CUBN: variants seen among roughly 807,000 people sequenced by gnomAD.
CUBN encodes the protein 460 kDa receptor.
CUBN carries 282 observed loss-of-function variants against 405.3 expected under a neutral mutation model. That is an observed-to-expected ratio of 0.70 (90% CI 0.63 to 0.77). The LOEUF is 0.77. Among genes scored for constraint, CUBN ranks in the 30% least tolerant of loss-of-function variants. The pLI is 0.00. For synonymous variants in CUBN, 1,684 were observed against 1,617.0 expected (o/e 1.04, Z -0.99); for missense variants, 4,514 against 4,475.2 (o/e 1.01, Z -0.25).
intron 14 of CUBN, among the ~76,000 whole-genome samples, chr10:17,095,954 T>C (rs938905310): frequency 6.6e-5 from 10 of 152,058 alleles, no homozygotes; most frequent in African/African-American, 2.4e-4. Flanking sequence ...TTATTTATCC[T>C]TAAAAAGAAA....
chr10:17,111,838 C>T (rs969028435), intron 8 of CUBN, among the ~76,000 whole-genome samples: 2 of 152,126 alleles, frequency 1.3e-5, no homozygotes, highest in African/African-American at 2.4e-5. Context: ...GCAGAAGAAT[C>T]CCTCAAACCC....
intron 64 of CUBN, among the ~76,000 whole-genome samples, chr10:16,834,075 A>G (rs1323644067): frequency 2.0e-5 from 3 of 152,160 alleles, no homozygotes; most frequent in Non-Finnish European, 4.4e-5. Flanking sequence ...CCACCTAAGT[A>G]TATTTCCTAA....
intron 48 of CUBN, among the ~76,000 whole-genome samples, chr10:16,912,989 C>A (rs368872595): frequency 6.6e-6 from 1 of 152,020 alleles, no homozygotes; most frequent in Non-Finnish European, 1.5e-5. Context: ...TCCAAGTGAA[C>A]GGTGGGGGTA....
intron 10 of CUBN, among the ~76,000 whole-genome samples, chr10:17,106,779 G>A (rs1588646402): frequency 6.6e-6 from 1 of 152,282 alleles, no homozygotes; most frequent in East Asian, 1.9e-4. Flanking sequence ...GTACAGGAGT[G>A]TGGCTTACAC....
Position 16,906,318 on chromosome 10 carries a change from G to A in CUBN, c.7797C>T (p.Cys2599=), listed in dbSNP as rs138758085. 8.1e-5 allele frequency: 131 copies of A among 1,613,582 alleles called. 3 individuals carry two copies. The highest frequency in any genetic ancestry group is 6.6e-4 in the South Asian group (60 of 91,072). Residue 2599 remains cysteine, a synonymous_variant, in exon 50 of 67, where the codon TGC becomes TGT. Transcript: ENST00000377833. The part of the protein sequence containing the change: ...GVRNYSRNLN[C]EWTLSNPNQG... ...GATTTGGATTGCTGAGAGTCCATTC[G>A]CAGTTCAGGTTTCTTGAGTAATTCC... is the stretch of plus-strand genomic sequence containing the variant.
At chr10:16,956,062 C>T (rs914101601) in intron 31 of CUBN, among the ~76,000 whole-genome samples, 2 of 152,116 alleles carry the variant, frequency 1.3e-5, no homozygotes, top group East Asian at 1.9e-4. Context: ...GGAAGTTACT[C>T]GCAAGTGACT....
At chr10:17,029,272 G>C (rs1231016875) in intron 27 of CUBN, among the ~76,000 whole-genome samples, 1 of 152,196 alleles carries the variant, frequency 6.6e-6, no homozygotes, top group African/African-American at 2.4e-5. Flanking sequence ...ATCCTTCATT[G>C]TGAAAGATGG....
At position 16,836,278 on chromosome 10, in the gene CUBN, A is replaced by C; in HGVS notation, c.10137T>G (p.Val3379=). 1 of 1,614,050 alleles carries C rather than the reference A, an allele frequency of 6.2e-7. No homozygotes were observed. Among genetic ancestry groups the C allele is most frequent in the South Asian group, 1.1e-5 (1 of 91,084 alleles). The change falls in exon 63 of 67, where the codon GTT becomes GTG. Residue 3379 remains valine, a synonymous_variant. Transcript: ENST00000377833. ...STAMVIFKSG[V]VNRNSRMSFT... ...AACTCATTCTAGAGTTTCTGTTTAC[A>C]ACTCCAGATTTGAAAATGACCATTG... is the stretch of plus-strand genomic sequence containing the variant.
chr10:16,991,833 C>G (rs1470161193), intron 28 of CUBN, among the ~76,000 whole-genome samples: 1 of 152,066 alleles, frequency 6.6e-6, no homozygotes, highest in African/African-American at 2.4e-5. Flanking sequence ...GTCAGTGTGG[C>G]AATTCCTCAG....
At chr10:16,963,284 C>T (rs1175442664) in intron 31 of CUBN, among the ~76,000 whole-genome samples, 1 of 130,910 alleles carries the variant, frequency 7.6e-6, no homozygotes, top group Non-Finnish European at 1.6e-5. Context: ...CTTCCAGGTT[C>T]AAGTGATTCT....
rs377718563 is a variant in CUBN, at chr10:17,063,193, C to A, written c.3139+2315G>T. 1.9e-3 allele frequency among the ~76,000 whole-genome samples: 297 copies of A among 152,322 alleles called. 1 individual carries two copies. Among genetic ancestry groups the A allele is most frequent in the African/African-American group, 6.9e-3 (285 of 41,590 alleles). ...GGTCTTGATCTATGGGAAACTGTGA[C>A]AGGCTCCAGAATTATAAACAGAAGG... On this transcript the variant is annotated intron_variant, in intron 22 of 66. Coordinates refer to ENST00000377833, the MANE Select transcript of CUBN (RefSeq NM_001081.4).
intron 13 of CUBN, among the ~76,000 whole-genome samples, chr10:17,102,252 C>CTTAT (rs201370313): frequency 0.21 from 30,980 of 144,936 alleles, 3,618 homozygotes; most frequent in East Asian, 0.38. Flanking sequence ...GGAGGATCCT[C>CTTAT]CTATTTATTT....
At chr10:17,028,981 T>C (rs1834733091) in intron 27 of CUBN, among the ~76,000 whole-genome samples, 1 of 152,230 alleles carries the variant, frequency 6.6e-6, no homozygotes, top group African/African-American at 2.4e-5. Context: ...ACCTTTCGGT[T>C]GCCCTGCCTT....
At chr10:17,085,179 T>C (rs1315374692) in intron 16 of CUBN, among the ~76,000 whole-genome samples, 1 of 152,206 alleles carries the variant, frequency 6.6e-6, no homozygotes, top group Non-Finnish European at 1.5e-5. Flanking sequence ...GAAGTGAAGC[T>C]CTAGAGTCTG....
intron 62 of CUBN, 76 bp from the exon 63 acceptor site, chr10:16,836,458 A>C (rs1839172527): frequency 1.5e-6 from 2 of 1,310,148 alleles, no homozygotes; most frequent in African/African-American, 2.9e-5. Flanking sequence ...ATTAGACTGC[A>C]TATAAAAGCA....
At chr10:17,099,095 AG>A (rs1836438385) in intron 14 of CUBN, among the ~76,000 whole-genome samples, 1 of 152,168 alleles carries the variant, frequency 6.6e-6, no homozygotes, top group Non-Finnish European at 1.5e-5. Flanking sequence ...AAAAGAACAA[AG>A]TTGAAATTAC....
intron 64 of CUBN, among the ~76,000 whole-genome samples, chr10:16,832,796 C>T (rs1839048164): frequency 6.6e-6 from 1 of 152,078 alleles, no homozygotes; most frequent in African/African-American, 2.4e-5. Context: ...TAGAGCTCGG[C>T]CCTCGCTTGG....
At chr10:16,967,808 A>T (rs1413898347) in intron 31 of CUBN, among the ~76,000 whole-genome samples, 1 of 147,254 alleles carries the variant, frequency 6.8e-6, no homozygotes, top group Non-Finnish European at 1.5e-5. Context: ...AGAGAGAAAG[A>T]AGGAGAGACA....
intron 20 of CUBN, 67 bp from the exon 21 acceptor site, chr10:17,068,347 C>T: frequency 6.7e-7 from 1 of 1,490,526 alleles, no homozygotes; most frequent in East Asian, 2.3e-5. Context: ...AATTAAAAGG[C>T]TCTGATAATA....
Sources: allele counts gnomAD v4.1 joint callset (sites outside exome capture counted in the v4.1 genomes callset), GRCh38; gene constraint gnomAD v4.1.1; transcripts MANE v1.5; gene names NCBI Gene and HGNC (gene_info 2026-07-23, HGNC 2026-07-21).